Variants in TAFA2 observed in about 807,000 individuals in gnomAD.
TAFA2 encodes TAFA chemokine like family member 2, also known as chemokine-like protein TAFA-2.
In TAFA2, 7 loss-of-function variants were observed where a neutral mutation model predicts 18.8. That is an observed-to-expected ratio of 0.37 (90% CI 0.21 to 0.70). The LOEUF (loss-of-function observed/expected upper bound fraction) is 0.70. Among genes scored for constraint, TAFA2 ranks in the 30% least tolerant of loss-of-function variants. The probability of loss-of-function intolerance (pLI) is 0.53; values close to 1 mark genes in which losing one functional copy is unlikely to be tolerated. For missense variants in TAFA2, 122 were observed against 158.1 expected (o/e 0.77, Z 1.23); for synonymous variants, 60 against 54.2 (o/e 1.11, Z -0.47).
intron 1 of TAFA2, chr12:62,070,496 C>T (rs1882603349): frequency 1.3e-5 from 2 of 152,216 alleles, no homozygotes; most frequent in African/African-American, 4.8e-5. Context: ...ACATTGAGTG[C>T]TCCCTTACTG....
intron 1 of TAFA2, among the ~76,000 whole-genome samples, chr12:62,247,635 C>T (rs1010921863): frequency 3.9e-5 from 6 of 152,192 alleles, no homozygotes; most frequent in African/African-American, 1.2e-4. Context: ...ATAACCCTTA[C>T]GTAGAATGTG....
chr12:61,746,145 G>A (rs1272979102), intron 4 of TAFA2, among the ~76,000 whole-genome samples: 2 of 152,068 alleles, frequency 1.3e-5, no homozygotes, highest in Admixed American at 6.6e-5. Flanking sequence ...AGTGGATCAT[G>A]AGGCTAGTTT....
At chr12:61,958,862 A>T (rs940372889) in intron 1 of TAFA2, among the ~76,000 whole-genome samples, 8 of 151,954 alleles carry the variant, frequency 5.3e-5, no homozygotes, top group Non-Finnish European at 8.8e-5. Context: ...TTTCCTAACC[A>T]CCATATTTTT....
intron 2 of TAFA2, among the ~76,000 whole-genome samples, chr12:61,761,003 T>C (rs1272448523): frequency 2.0e-5 from 3 of 152,090 alleles, no homozygotes; most frequent in African/African-American, 7.2e-5. Context: ...GAAACAGGGA[T>C]ACAAAGTCTT....
At chr12:61,793,719 G>T (rs963447848) in intron 2 of TAFA2, among the ~76,000 whole-genome samples, 1 of 151,618 alleles carries the variant, frequency 6.6e-6, no homozygotes, top group African/African-American at 2.4e-5. Context: ...AACTGAAGAG[G>T]TATGACTATG....
intron 1 of TAFA2, among the ~76,000 whole-genome samples, chr12:62,138,924 C>T (rs1038934457): frequency 2.0e-5 from 3 of 151,982 alleles, no homozygotes; most frequent in Non-Finnish European, 4.4e-5. Context: ...TAATAAGTGC[C>T]ACAAGAATTA....
chr12:61,773,387 C>A (rs1368809157), intron 2 of TAFA2, among the ~76,000 whole-genome samples: 1 of 151,696 alleles, frequency 6.6e-6, no homozygotes, highest in Non-Finnish European at 1.5e-5. Flanking sequence ...AAAAAAGGGC[C>A]CACACAGCCA....
intron 4 of TAFA2, among the ~76,000 whole-genome samples, chr12:61,719,163 C>T (rs530187994): frequency 1.1e-4 from 16 of 152,210 alleles, no homozygotes; most frequent in African/African-American, 3.9e-4. Flanking sequence ...TGGGTTTAAG[C>T]CAAGCTAACT....
At chr12:61,879,531 C>A in intron 1 of TAFA2, 2 of 717,628 alleles carry the variant, frequency 2.8e-6, no homozygotes, top group Non-Finnish European at 5.1e-6. Flanking sequence ...TCAACCAGAG[C>A]CTGCTGAGGC....
At chr12:62,147,526 A>G (rs1312462824) in intron 1 of TAFA2, among the ~76,000 whole-genome samples, 10 of 150,238 alleles carry the variant, frequency 6.7e-5, no homozygotes, top group Admixed American at 2.6e-4. Context: ...TCAGGAGATC[A>G]AGACCATCCT....
chr12:61,806,491 C>T (rs1052977250), intron 2 of TAFA2, among the ~76,000 whole-genome samples: 7 of 152,154 alleles, frequency 4.6e-5, no homozygotes, highest in Non-Finnish European at 8.8e-5. Flanking sequence ...AGTGTGAAAA[C>T]AGACTAATAC....
intron 1 of TAFA2, among the ~76,000 whole-genome samples, chr12:61,995,327 A>ATT (rs1274687087): frequency 2.0e-5 from 3 of 152,174 alleles, no homozygotes; most frequent in African/African-American, 4.8e-5. Context: ...TCCCATCTCC[A>ATT]CATGACTAGT....
intron 2 of TAFA2, among the ~76,000 whole-genome samples, chr12:61,790,277 A>G (rs1020559578): frequency 6.6e-6 from 1 of 151,950 alleles, no homozygotes; most frequent in African/African-American, 2.4e-5. Flanking sequence ...AAATGGAGAA[A>G]AGCTAAACAC....
chr12:62,247,801 G>C (rs1362545224), intron 1 of TAFA2, among the ~76,000 whole-genome samples: 1 of 150,668 alleles, frequency 6.6e-6, no homozygotes, highest in Admixed American at 6.8e-5. Flanking sequence ...GACACATTCA[G>C]TTGTAAGTTT....
At chr12:62,129,046 A>C (rs1471806630) in intron 1 of TAFA2, among the ~76,000 whole-genome samples, 1 of 152,122 alleles carries the variant, frequency 6.6e-6, no homozygotes, top group Non-Finnish European at 1.5e-5. Flanking sequence ...TGAAGAAGAC[A>C]GTCCTCGGTA....
chr12:61,854,151 C>T (rs745850920), intron 2 of TAFA2, among the ~76,000 whole-genome samples: 2 of 151,928 alleles, frequency 1.3e-5, no homozygotes, highest in Admixed American at 6.6e-5. Flanking sequence ...AAAGTCAGCA[C>T]AAAATCTTAG....
chr12:61,940,051 T>G (rs755945798), intron 1 of TAFA2, among the ~76,000 whole-genome samples: 25 of 152,356 alleles, frequency 1.6e-4, no homozygotes, highest in Non-Finnish European at 3.2e-4. Context: ...ATTCATTCAT[T>G]CAACAAATAA....
intron 2 of TAFA2, among the ~76,000 whole-genome samples, chr12:61,805,573 A>G (rs1049603092): frequency 2.6e-5 from 4 of 152,300 alleles, no homozygotes; most frequent in Admixed American, 1.3e-4. Context: ...AGTGGCAGAT[A>G]TGATCATAGT....
At chr12:62,185,024 CCACTCAACAAAT>C (rs1462488243) in intron 1 of TAFA2, among the ~76,000 whole-genome samples, 1 of 151,894 alleles carries the variant, frequency 6.6e-6, no homozygotes, top group Non-Finnish European at 1.5e-5. Flanking sequence ...TGAATTTTAA[CCACTCAACAAAT>C]GATGGAAGGA....
Sources: allele counts gnomAD v4.1 joint callset (sites outside exome capture counted in the v4.1 genomes callset), GRCh38; gene constraint gnomAD v4.1.1; transcripts MANE v1.5; gene names NCBI Gene and HGNC (gene_info 2026-07-23, HGNC 2026-07-21).